The following SLC8A1 variants were observed in gnomAD, a reference collection of about 807,000 sequenced individuals.
SLC8A1 encodes solute carrier family 8 member A1.
A neutral mutation model predicts 68.3 loss-of-function variants in SLC8A1; 18 were observed. The ratio of observed to expected loss-of-function variants is 0.26; its 90% confidence interval spans 0.18 to 0.39. The LOEUF (loss-of-function observed/expected upper bound fraction) is 0.39. SLC8A1 is among the 10% of genes least tolerant of loss of function. The pLI is 1.00. For missense variants in SLC8A1, 985 were observed against 1,156.7 expected (o/e 0.85, Z 2.15); for synonymous variants, 475 against 415.5 (o/e 1.14, Z -1.74).
At chr2:40,154,495 TTTTTTGTA>T in intron 6 of SLC8A1, among the ~76,000 whole-genome samples, 1 of 145,146 alleles carries the variant, frequency 6.9e-6, no homozygotes, top group Non-Finnish European at 1.5e-5. Context: ...TTTTTTTTTT[TTTTTTGTA>T]TTTTTAGTAG....
intron 2 of SLC8A1, among the ~76,000 whole-genome samples, chr2:40,393,460 T>C (rs899233147): frequency 1.3e-5 from 2 of 152,154 alleles, no homozygotes; most frequent in African/African-American, 2.4e-5. Flanking sequence ...TCCAAATGAT[T>C]TTCTGTCATC....
chr2:40,343,310 C>A (rs1668282119), intron 2 of SLC8A1, among the ~76,000 whole-genome samples: 1 of 152,122 alleles, frequency 6.6e-6, no homozygotes, highest in African/African-American at 2.4e-5. Flanking sequence ...CACCTATAAA[C>A]ATGTCTATGA....
chr2:40,188,981 T>C (rs1421431845), intron 2 of SLC8A1, among the ~76,000 whole-genome samples: 5 of 152,338 alleles, frequency 3.3e-5, no homozygotes, highest in African/African-American at 9.6e-5. Flanking sequence ...ATTTTATTGG[T>C]ATTTCACATT....
intron 7 of SLC8A1, among the ~76,000 whole-genome samples, chr2:40,134,370 G>A (rs985216770): frequency 6.6e-6 from 1 of 152,144 alleles, no homozygotes; most frequent in Non-Finnish European, 1.5e-5. Flanking sequence ...GGGATTACAG[G>A]TGTGAGCTAC....
intron 2 of SLC8A1, among the ~76,000 whole-genome samples, chr2:40,293,271 G>A (rs2069673584): frequency 6.6e-6 from 1 of 152,078 alleles, no homozygotes; most frequent in Admixed American, 6.6e-5. Flanking sequence ...GCCTCACAAA[G>A]GCAGGGAACA....
chr2:40,511,630 A>G (rs181539300), intron 1 of SLC8A1, among the ~76,000 whole-genome samples: 4 of 152,290 alleles, frequency 2.6e-5, no homozygotes, highest in Admixed American at 2.6e-4. Context: ...ACTGATGACA[A>G]AACGATAATA....
At chr2:40,483,346 C>A (rs1013823386) in intron 1 of SLC8A1, among the ~76,000 whole-genome samples, 10 of 151,764 alleles carry the variant, frequency 6.6e-5, no homozygotes, top group Non-Finnish European at 1.3e-4. Flanking sequence ...AGATACACAT[C>A]TGGCCCCCAG....
At chr2:40,508,328 C>T (rs888207395) in intron 1 of SLC8A1, among the ~76,000 whole-genome samples, 1 of 148,912 alleles carries the variant, frequency 6.7e-6, no homozygotes, top group Non-Finnish European at 1.5e-5. Context: ...AGGAAGTTCT[C>T]GACACTTCCT....
intron 1 of SLC8A1, among the ~76,000 whole-genome samples, chr2:40,467,904 C>T (rs1703787301): frequency 6.6e-6 from 1 of 152,058 alleles, no homozygotes; most frequent in East Asian, 1.9e-4. Flanking sequence ...CATAAGACTG[C>T]ATATAAATAA....
At chr2:40,172,382 T>C (rs1164352892) in intron 4 of SLC8A1, among the ~76,000 whole-genome samples, 2 of 152,170 alleles carry the variant, frequency 1.3e-5, no homozygotes, top group Non-Finnish European at 2.9e-5. Flanking sequence ...GAAGAGGTGA[T>C]GGTAATAGGA....
chr2:40,461,945 G>T (rs1703363673), intron 1 of SLC8A1, among the ~76,000 whole-genome samples: 1 of 148,192 alleles, frequency 6.7e-6, no homozygotes, highest in Non-Finnish European at 1.5e-5. Context: ...TTATAAAATG[G>T]AAAGAATATG....
chr2:40,231,285 C>T (rs1005596011), intron 2 of SLC8A1, among the ~76,000 whole-genome samples: 19 of 152,112 alleles, frequency 1.2e-4, no homozygotes, highest in Non-Finnish European at 2.1e-4. Context: ...ATATATTAGA[C>T]ACGGGAAATG....
chr2:40,192,206 A>G (rs187756489), intron 2 of SLC8A1, among the ~76,000 whole-genome samples: 188 of 152,248 alleles, frequency 1.2e-3, no homozygotes, highest in Admixed American at 2.0e-3. Context: ...CTTGATTCCA[A>G]CAATCTTTCT....
intron 2 of SLC8A1, among the ~76,000 whole-genome samples, chr2:40,188,966 C>G (rs2051230641): frequency 6.6e-6 from 1 of 152,048 alleles, no homozygotes; most frequent in African/African-American, 2.4e-5. Flanking sequence ...AATTTTATGT[C>G]TAATATTTTA....
intron 2 of SLC8A1, among the ~76,000 whole-genome samples, chr2:40,355,705 G>C (rs566037063): frequency 1.3e-5 from 2 of 152,100 alleles, no homozygotes; most frequent in Non-Finnish European, 2.9e-5. Flanking sequence ...GTCCATGCAC[G>C]TAACAAACAC....
At chr2:40,205,222 G>C (rs1315421776) in intron 2 of SLC8A1, among the ~76,000 whole-genome samples, 2 of 151,460 alleles carry the variant, frequency 1.3e-5, no homozygotes, top group Non-Finnish European at 2.9e-5. Flanking sequence ...AAAACATGTT[G>C]TACATCATAA....
chr2:40,107,820 C>G (rs2034310222), exon 8 of SLC8A1: 1 of 152,134 alleles, frequency 6.6e-6, no homozygotes, highest in Non-Finnish European at 1.5e-5. Context: ...CAGAGGAGAT[C>G]CAGTGCTGAA....
chr2:40,303,852 AAAGG>A (rs1232393235), intron 2 of SLC8A1, among the ~76,000 whole-genome samples: 1 of 152,182 alleles, frequency 6.6e-6, no homozygotes, highest in Non-Finnish European at 1.5e-5. Context: ...TGAAGCAGGA[AAAGG>A]AAGGCCAGTT....
chr2:40,389,380 T>G (rs1006996426), intron 2 of SLC8A1, among the ~76,000 whole-genome samples: 7 of 152,138 alleles, frequency 4.6e-5, no homozygotes, highest in African/African-American at 1.7e-4. Flanking sequence ...AGCTATCAGT[T>G]TGCAATATTT....
Sources: allele counts gnomAD v4.1 joint callset (sites outside exome capture counted in the v4.1 genomes callset), GRCh38; gene constraint gnomAD v4.1.1; transcripts MANE v1.5; gene names NCBI Gene and HGNC (gene_info 2026-07-23, HGNC 2026-07-21).